CPNE7: variants seen among roughly 807,000 people sequenced by gnomAD.
CPNE7 encodes copine-7.
In CPNE7, 78 loss-of-function variants were observed where a neutral mutation model predicts 66.5. The observed-to-expected ratio is 1.17, with a 90% confidence interval of 0.98 to 1.42. The LOEUF is 1.42. Ranked by LOEUF, CPNE7 falls within the 40% of genes most tolerant of loss-of-function variation. CPNE7 has a pLI of 0.00. For missense variants in CPNE7, 1,012 were observed against 776.6 expected, an observed-to-expected ratio of 1.30 and a Z score of -3.60; for synonymous variants, 468 against 336.7, an observed-to-expected ratio of 1.39 and a Z score of -4.27.
intron 13 of CPNE7, among the ~76,000 whole-genome samples, chr16:89,593,858 T>C (rs922977832): frequency 1.1e-4 from 16 of 152,214 alleles, no homozygotes; most frequent in African/African-American, 3.6e-4. Flanking sequence ...GAGTCGAGGA[T>C]TGCGTTCAGC....
chr16:89,584,691 G>A lies in CPNE7; in HGVS notation c.508-83G>A. On this transcript the variant is annotated intron_variant, in intron 4 of 14. Coordinates refer to ENST00000319518, the MANE Select transcript of CPNE7 (RefSeq NM_153636.3). The surrounding 1 kb of genome is among the most constrained non-coding windows in gnomAD (Gnocchi z 6.0). The stretch of plus-strand genomic sequence containing the variant: ...ATTAGCGGCTGGTGGCATGAAGTGA[G>A]CCCTGGGAAACGACAAAGCCAGCTC... 1 of 1,011,620 alleles carries A rather than the reference G, an allele frequency of 9.9e-7. No homozygotes were observed. Among genetic ancestry groups the A allele is most frequent in the Non-Finnish European group, 1.5e-6 (1 of 656,958 alleles). The allele number at this position is 1,011,620 out of a possible 1,614,324, so 62.7% of individuals were successfully genotyped here.
chr16:89,587,036 C>T lies in CPNE7; in HGVS notation c.868-7C>T, dbSNP rs200739217. 2.4e-5 allele frequency: 38 copies of T among 1,576,084 alleles called. No individual in the cohort carries two copies. In the African/African-American group the frequency reaches 2.4e-4, roughly 10 times the overall value. On this transcript the variant is annotated splice_region_variant and splice_polypyrimidine_tract_variant and intron_variant, in intron 8 of 14. Transcript: ENST00000319518. Reference sequence around the variant, plus strand: ...CGGGGGTGGACGCTGACTCCGCCGGCCGGAAGTTCCACAGGGTGTACTCCT... The same window carrying T: ...CGGGGGTGGACGCTGACTCCGCCGGTCGGAAGTTCCACAGGGTGTACTCCT...
At position 89,591,164 on chromosome 16, in the gene CPNE7, G is replaced by A. The variant is rs1406347128; in HGVS notation, c.1206G>A (p.Leu402=). ...TGGTGGAGGCCTACCAGAACTGCCTGCCCAGGGTCCAGCTCTACGGCCCCA... is the reference window on the plus strand; with the variant it reads ...TGGTGGAGGCCTACCAGAACTGCCTACCCAGGGTCCAGCTCTACGGCCCCA... ...QGVVEAYQNC[L]PRVQLYGPTN... The change falls in exon 13 of 15, where the codon CTG becomes CTA. Residue 402 remains leucine (L), a synonymous_variant. Transcript: ENST00000319518. The A allele has an allele frequency of 1.9e-6, 3 of 1,608,056 alleles. No homozygotes were observed. Among genetic ancestry groups the A allele is most frequent in the Non-Finnish European group, 2.5e-6 (3 of 1,177,638 alleles).
chr16:89,575,821 C>T lies in CPNE7; in HGVS notation c.-77C>T. The T allele has an allele frequency of 9.5e-7, 1 of 1,056,748 alleles. No homozygotes were observed. Among genetic ancestry groups the T allele is most frequent in the East Asian group, 5.5e-5 (1 of 18,224 alleles). The allele number at this position is 1,056,748 out of a possible 1,614,324, so 65.5% of individuals were successfully genotyped here. ...GCCACGCCTGGGCCGGCCACCATTT[C>T]CCGGGCGCCGCGGCGGCGCCGACTC... On this transcript the variant is annotated 5_prime_UTR_variant, in exon 1 of 15. Coordinates refer to ENST00000319518, the MANE Select transcript of CPNE7 (RefSeq NM_153636.3).
chr16:89,576,048 C>G lies in CPNE7; in HGVS notation c.151C>G (p.Gln51Glu). ...KSDPSVALLQ[Q>E]AQGQWVQVGR... Reference sequence around the variant, plus strand: ...CGACCCCAGCGTGGCGTTGCTGCAGCAGGCGCAGGGCCAGTGGGTGCAGGT... The same window carrying G: ...CGACCCCAGCGTGGCGTTGCTGCAGGAGGCGCAGGGCCAGTGGGTGCAGGT... The change falls in exon 1 of 15, where the codon CAG (glutamine) becomes GAG (glutamate). Residue 51 changes from glutamine (Q) to glutamate (E), a missense_variant. Transcript: ENST00000319518. 1 of 1,317,196 alleles carries G rather than the reference C, an allele frequency of 7.6e-7. No homozygotes were observed. The highest frequency in any genetic ancestry group is 1.5e-5 in the African/African-American group (1 of 65,376). The allele number at this position is 1,317,196 out of a possible 1,614,324, so 81.6% of individuals were successfully genotyped here.
intron 5 of CPNE7, among the ~76,000 whole-genome samples, 184 bp downstream of exon 5, chr16:89,585,041 C>CTCCTCCCA (rs2059013765): frequency 1.3e-5 from 2 of 152,156 alleles, no homozygotes; most frequent in Non-Finnish European, 2.9e-5. Flanking sequence ...GGGGCCGTGG[C>CTCCTCCCA]TGTGGCCAGA....
intron 2 of CPNE7, among the ~76,000 whole-genome samples, chr16:89,581,697 T>C (rs2058961568): frequency 6.6e-6 from 1 of 152,108 alleles, no homozygotes; most frequent in Admixed American, 6.5e-5. Context: ...CAGGCTGGAG[T>C]GCAGTGGGAC....
At chr16:89,591,320 G>C in intron 13 of CPNE7, 60 bp downstream of exon 13, 3 of 1,478,144 alleles carry the variant, frequency 2.0e-6, no homozygotes. Flanking sequence ...GTGCACCAGC[G>C]CGTGGACGTC....
intron 2 of CPNE7, among the ~76,000 whole-genome samples, chr16:89,580,876 TGCCATCA>T (rs2058945091): frequency 7.5e-6 from 1 of 132,568 alleles, no homozygotes; most frequent in Non-Finnish European, 1.6e-5. Context: ...ACACGGAACA[TGCCATCA>T]CCCGTCACAC....
intron 2 of CPNE7, among the ~76,000 whole-genome samples, chr16:89,580,379 G>GCAGCTGCCCCTGCCCCT (rs2058934126): frequency 1.1e-5 from 1 of 89,380 alleles, no homozygotes; most frequent in Non-Finnish European, 2.2e-5. Context: ...CCCATCACCC[G>GCAGCTGCCCCTGCCCCT]TCACATGGAA....
Position 89,577,542 on chromosome 16 carries a change from G to T in CPNE7, c.178G>T (p.Gly60Cys). The change falls in exon 2 of 15, where the codon GGC (glycine) becomes TGC (cysteine). Residue 60 changes from glycine (G) to cysteine (C), a missense_variant. By Grantham distance (159) the Gly-to-Cys change is radical. Transcript: ENST00000319518. ...QQAQGQWVQV[G>C]RTEVVRSSLH... The stretch of plus-strand genomic sequence containing the variant: ...CGGCTCACAGGTGCACTTGCAGGTG[G>T]GCAGAACCGAGGTGGTCCGGAGCAG... The T allele has an allele frequency of 6.4e-7, 1 of 1,551,362 alleles. No homozygotes were observed. Among genetic ancestry groups the T allele is most frequent in the Non-Finnish European group, 8.7e-7 (1 of 1,146,914 alleles).
intron 13 of CPNE7, chr16:89,594,025 G>A (rs2059214398): frequency 6.6e-6 from 1 of 152,240 alleles, no homozygotes; most frequent in Non-Finnish European, 1.5e-5. Flanking sequence ...TCTGGTGTTT[G>A]TGTTTCCTGT....
intron 1 of CPNE7, among the ~76,000 whole-genome samples, chr16:89,576,459 G>A (rs1409233725): frequency 2.0e-5 from 3 of 152,074 alleles, no homozygotes; most frequent in Middle Eastern, 6.4e-3. Flanking sequence ...GACGGGGGGC[G>A]GGAGGCTGGG....
intron 13 of CPNE7, 129 bp from the exon 14 acceptor site, chr16:89,595,238 A>G: frequency 2.8e-6 from 2 of 703,936 alleles, no homozygotes; most frequent in South Asian, 1.8e-5. Flanking sequence ...TAGGCATCAC[A>G]CTCTGAAGGC....
At chr16:89,594,939 A>G (rs1038448334) in intron 13 of CPNE7, among the ~76,000 whole-genome samples, 7 of 151,994 alleles carry the variant, frequency 4.6e-5, no homozygotes, top group Non-Finnish European at 1.0e-4. Context: ...GGCGTGAACC[A>G]CCGCGTCCGG....
chr16:89,576,930 TGAGCCCACCCTTCACATCCC>T (rs2058869806), intron 1 of CPNE7, among the ~76,000 whole-genome samples: 1 of 150,612 alleles, frequency 6.6e-6, no homozygotes, highest in Admixed American at 6.6e-5. Context: ...CCTCACAGCC[TGAGCCCACCCTTCACATCCC>T]GAGCCCACCA....
chr16:89,589,007 A>C (rs778079899), intron 10 of CPNE7, among the ~76,000 whole-genome samples, 199 bp downstream of exon 10: 2 of 152,096 alleles, frequency 1.3e-5, no homozygotes, highest in Non-Finnish European at 2.9e-5. Context: ...TCAGACTGTG[A>C]GGGGCCGGGC....
chr16:89,578,742 A>C, intron 2 of CPNE7: 1 of 1,354,802 alleles, frequency 7.4e-7, no homozygotes, highest in Non-Finnish European at 9.5e-7. Flanking sequence ...CCTGAGTGAC[A>C]GATTGAGACT....
intron 13 of CPNE7, among the ~76,000 whole-genome samples, chr16:89,592,214 C>T (rs1443894969): frequency 6.7e-6 from 1 of 148,958 alleles, no homozygotes; most frequent in African/African-American, 2.5e-5. Context: ...CGGGGTTTCA[C>T]CGTGTTAGCG....
Sources: allele counts gnomAD v4.1 joint callset (sites outside exome capture counted in the v4.1 genomes callset), GRCh38; gene constraint gnomAD v4.1.1; non-coding constraint Gnocchi (gnomAD v3.1); transcripts MANE v1.5; gene names NCBI Gene and HGNC (gene_info 2026-07-23, HGNC 2026-07-21).